TNFSF4: variants seen among roughly 807,000 people sequenced by gnomAD.
The protein encoded by TNFSF4 is TNF superfamily member 4.
In TNFSF4, 4 loss-of-function variants were observed where a neutral mutation model predicts 7.3. That is an observed-to-expected ratio of 0.55 (90% confidence interval 0.27 to 1.25). The LOEUF is 1.25. Ranked by LOEUF, TNFSF4 falls within the 50% of genes most tolerant of loss-of-function variation. The probability of loss-of-function intolerance (pLI) is 0.12; values close to 1 mark genes in which losing one functional copy is unlikely to be tolerated. For missense variants in TNFSF4, 181 were observed against 208.8 expected (o/e 0.87, Z 0.82); for synonymous variants, 76 against 83.7 (o/e 0.91, Z 0.50).
chr1:173,305,693 T>TAA, the TNFSF4 span, among the ~76,000 whole-genome samples: 11 of 145,276 alleles, frequency 7.6e-5, no homozygotes, highest in African/African-American at 2.0e-4. Flanking sequence ...GGTAATTTAT[T>TAA]AAAAAAAAAA....
At chr1:173,229,603 G>C in the TNFSF4 span, among the ~76,000 whole-genome samples, 1 of 152,126 alleles carries the variant, frequency 6.6e-6, no homozygotes, top group Non-Finnish European at 1.5e-5. Context: ...AAATGTAAAT[G>C]GGCTAAATGC....
At chr1:173,177,422 A>G in the TNFSF4 span, among the ~76,000 whole-genome samples, 1 of 152,074 alleles carries the variant, frequency 6.6e-6, no homozygotes, top group South Asian at 2.1e-4. Context: ...GAAGGAAACA[A>G]CAGACACCGG....
At chr1:173,364,402 T>TATATAC in the TNFSF4 span, among the ~76,000 whole-genome samples, 187 of 147,580 alleles carry the variant, frequency 1.3e-3, 2 homozygotes, top group East Asian at 0.031. Context: ...TATATATATA[T>TATATAC]ACACACACAC....
chr1:173,209,531 G>C (rs1328165507), upstream of TNFSF4, among the ~76,000 whole-genome samples: 3 of 152,026 alleles, frequency 2.0e-5, no homozygotes, highest in Non-Finnish European at 4.4e-5. Context: ...TAGAGACAGG[G>C]TCTCACTCTG....
At chr1:173,349,250 G>C in the TNFSF4 span, among the ~76,000 whole-genome samples, 1 of 151,968 alleles carries the variant, frequency 6.6e-6, no homozygotes, top group Admixed American at 6.6e-5. Context: ...GGATGGTCTC[G>C]ATCTCCCGAC....
At chr1:173,298,939 G>C in the TNFSF4 span, among the ~76,000 whole-genome samples, 4 of 151,904 alleles carry the variant, frequency 2.6e-5, no homozygotes, top group Admixed American at 6.6e-5. Context: ...AAATTTAGTA[G>C]CTATATAACA....
the TNFSF4 span, among the ~76,000 whole-genome samples, chr1:173,335,099 G>T: frequency 2.0e-5 from 3 of 152,066 alleles, no homozygotes; most frequent in African/African-American, 7.2e-5. Flanking sequence ...ATTTAATGTT[G>T]CAGCTCAGGG....
the TNFSF4 span, among the ~76,000 whole-genome samples, chr1:173,428,389 A>G: frequency 6.6e-6 from 1 of 152,234 alleles, no homozygotes; most frequent in African/African-American, 2.4e-5. Context: ...CAATCCATAA[A>G]AATCTACAGG....
chr1:173,264,313 T>G, the TNFSF4 span, among the ~76,000 whole-genome samples: 1 of 139,366 alleles, frequency 7.2e-6, no homozygotes, highest in African/African-American at 2.9e-5. Flanking sequence ...ACATCTGGCT[T>G]CTTCTTTTTT....
the TNFSF4 span, among the ~76,000 whole-genome samples, chr1:173,387,536 T>C: frequency 1.3e-5 from 2 of 152,182 alleles, no homozygotes; most frequent in African/African-American, 2.4e-5. Context: ...AAAGCAAAGA[T>C]GCATTAAGGC....
the TNFSF4 span, among the ~76,000 whole-genome samples, chr1:173,310,603 A>G: frequency 6.6e-6 from 1 of 151,684 alleles, no homozygotes; most frequent in Non-Finnish European, 1.5e-5. Flanking sequence ...ATAGTGTTAT[A>G]TAGCTGTCCT....
the TNFSF4 span, among the ~76,000 whole-genome samples, chr1:173,442,480 T>G: frequency 6.6e-6 from 1 of 152,036 alleles, no homozygotes; most frequent in Non-Finnish European, 1.5e-5. Context: ...AAAATGTCCC[T>G]GAGAAATCTA....
At chr1:173,216,240 C>A in the TNFSF4 span, among the ~76,000 whole-genome samples, 2 of 152,158 alleles carry the variant, frequency 1.3e-5, no homozygotes, top group Non-Finnish European at 2.9e-5. Flanking sequence ...GGCATCTACC[C>A]TCATCTATGC....
the TNFSF4 span, among the ~76,000 whole-genome samples, chr1:173,248,390 A>AGAAGGAAG: frequency 6.7e-6 from 1 of 148,938 alleles, no homozygotes; most frequent in Non-Finnish European, 1.5e-5. Context: ...AAGGAAAGAA[A>AGAAGGAAG]GAAGGAAGGA....
chr1:173,339,990 AT>A, the TNFSF4 span, among the ~76,000 whole-genome samples: 1 of 152,236 alleles, frequency 6.6e-6, no homozygotes, highest in South Asian at 2.1e-4. Flanking sequence ...AAATATTTGA[AT>A]TAGTAGACAT....
the TNFSF4 span, among the ~76,000 whole-genome samples, chr1:173,274,933 C>T: frequency 6.6e-6 from 1 of 152,046 alleles, no homozygotes; most frequent in Non-Finnish European, 1.5e-5. Flanking sequence ...AGTTAGATTT[C>T]CCCTGAGTTA....
At chr1:173,266,276 A>G in the TNFSF4 span, among the ~76,000 whole-genome samples, 1 of 152,272 alleles carries the variant, frequency 6.6e-6, no homozygotes, top group South Asian at 2.1e-4. Flanking sequence ...TTTTGCAAAC[A>G]TACAGTTTGA....
chr1:173,422,692 C>A, the TNFSF4 span, among the ~76,000 whole-genome samples: 1 of 152,186 alleles, frequency 6.6e-6, no homozygotes, highest in Non-Finnish European at 1.5e-5. Flanking sequence ...AGACTTAAAA[C>A]AACAAAGTGT....
chr1:173,365,845 T>C, the TNFSF4 span, among the ~76,000 whole-genome samples: 204 of 152,300 alleles, frequency 1.3e-3, no homozygotes, highest in Admixed American at 3.2e-3. Flanking sequence ...CCAAACTGTG[T>C]CAGGACAAGA....
Sources: gnomAD v4.1 joint callset for allele counts (sites outside exome capture counted in the v4.1 genomes callset) on GRCh38, gnomAD v4.1.1 for gene constraint, MANE v1.5 for transcripts, NCBI Gene and HGNC (gene_info 2026-07-23, HGNC 2026-07-21) for gene names.